Variants in ARHGEF12 observed in about 807,000 individuals in gnomAD.
ARHGEF12 encodes the protein Rho guanine nucleotide exchange factor 12.
In ARHGEF12, 66 loss-of-function variants were observed where a neutral mutation model predicts 211.2. The ratio of observed to expected loss-of-function variants is 0.31; its 90% CI spans 0.26 to 0.38. ARHGEF12 has a LOEUF of 0.38. Ranked by LOEUF, ARHGEF12 falls within the 10% of genes least tolerant of loss-of-function variation. ARHGEF12 has a pLI of 1.00. For missense variants in ARHGEF12, 1,429 were observed against 1,869.5 expected, an observed-to-expected ratio of 0.76 and a Z score of 4.34; for synonymous variants, 592 against 638.4, an observed-to-expected ratio of 0.93 and a Z score of 1.09.
Position 120,459,304 on chromosome 11 carries a change from T to C in ARHGEF12, c.2511T>C (p.Asp837=). 7 of 1,613,266 alleles carry C rather than the reference T, an allele frequency of 4.3e-6. No individual in the cohort carries two copies. Among genetic ancestry groups the C allele is most frequent in the Non-Finnish European group, 5.9e-6 (7 of 1,179,594 alleles). ...ELRKIFSNLE[D]ILQLHIGLNE... ...GGAAAATTTTTTCAAACTTGGAAGA[T>C]ATTCTTCAACTTCATAGTAAGAGAA... The change falls in exon 26 of 41, where the codon GAT becomes GAC. Residue 837 remains aspartate, a synonymous_variant. Transcript: ENST00000397843.
rs769610946 is a variant in ARHGEF12, at chr11:120,481,391, TCTC to T, written c.4373_4375del (p.Pro1458del). On this transcript the variant is annotated inframe_deletion, in exon 39 of 41. Coordinates refer to ENST00000397843, the MANE Select transcript of ARHGEF12 (RefSeq NM_015313.3). ...GGAATCCACCCACCAGCAGCAACAT[TCTC>T]CTCAGAATACTCACTCCGATGGGGC... 29 of 1,614,000 alleles carry T rather than the reference TCTC, an allele frequency of 1.8e-5. No individual in the cohort carries two copies. The highest frequency in any genetic ancestry group is 2.4e-5 in the Non-Finnish European group (28 of 1,180,006).
At chr11:120,423,757 A>G (rs903385337) in intron 6 of ARHGEF12, among the ~76,000 whole-genome samples, 2 of 152,104 alleles carry the variant, frequency 1.3e-5, no homozygotes, top group East Asian at 1.9e-4. Context: ...TGTTTTTTAC[A>G]CTGATATATT....
intron 1 of ARHGEF12, among the ~76,000 whole-genome samples, chr11:120,339,802 A>G (rs535961790): frequency 3.3e-5 from 5 of 152,172 alleles, no homozygotes; most frequent in African/African-American, 1.2e-4. Flanking sequence ...GAATTCAGCT[A>G]TGTTTAGGCT....
At chr11:120,481,760 CTTTTTTTTT>C (rs765155466) in intron 39 of ARHGEF12, among the ~76,000 whole-genome samples, 184 bp downstream of exon 39, 1 of 138,410 alleles carries the variant, frequency 7.2e-6, no homozygotes, top group South Asian at 2.3e-4. Context: ...TTCTTTCTTT[CTTTTTTTTT>C]TTTTTTTTGA....
chr11:120,429,924 G>C, intron 10 of ARHGEF12, 93 bp downstream of exon 10: 1 of 1,426,958 alleles, frequency 7.0e-7, no homozygotes, highest in South Asian at 1.4e-5. Context: ...CTTTTTTAAA[G>C]TTATTTTTCT....
chr11:120,454,000 A>G (rs1946287183), intron 22 of ARHGEF12, among the ~76,000 whole-genome samples: 3 of 152,234 alleles, frequency 2.0e-5, no homozygotes, highest in Admixed American at 2.0e-4. Context: ...AGAAAAAAAC[A>G]GTGCTCTTTT....
At chr11:120,411,271 T>C (rs933407248) in intron 4 of ARHGEF12, 2 of 152,188 alleles carry the variant, frequency 1.3e-5, no homozygotes, top group Non-Finnish European at 2.9e-5. Flanking sequence ...ATGAGTTGAT[T>C]AGAACAGAAT....
chr11:120,457,066 A>G, intron 22 of ARHGEF12, 52 bp from the exon 23 acceptor site: 3 of 1,570,184 alleles, frequency 1.9e-6, no homozygotes, highest in Middle Eastern at 3.4e-4. Flanking sequence ...TTTGGTGACC[A>G]GTGACTTTAT....
intron 29 of ARHGEF12, among the ~76,000 whole-genome samples, chr11:120,467,993 T>C (rs900037178): frequency 6.6e-6 from 1 of 152,224 alleles, no homozygotes; most frequent in South Asian, 2.1e-4. Context: ...TGTAAAATTA[T>C]CTGGTTCAAC....
chr11:120,384,877 GAT>G (rs1943982196), intron 1 of ARHGEF12, among the ~76,000 whole-genome samples: 1 of 140,870 alleles, frequency 7.1e-6, no homozygotes, highest in Non-Finnish European at 1.5e-5. Flanking sequence ...AACAAAAGGA[GAT>G]TTTTTTTTTT....
intron 1 of ARHGEF12, among the ~76,000 whole-genome samples, chr11:120,366,786 G>A (rs942250182): frequency 6.6e-5 from 10 of 152,146 alleles, no homozygotes; most frequent in African/African-American, 2.4e-4. Flanking sequence ...AGGCCGAGGT[G>A]GGCGGATCAT....
At chr11:120,370,634 C>T (rs1255044463) in intron 1 of ARHGEF12, among the ~76,000 whole-genome samples, 3 of 151,874 alleles carry the variant, frequency 2.0e-5, no homozygotes, top group African/African-American at 4.8e-5. Flanking sequence ...CAGATATTCC[C>T]TTATGGTCTT....
chr11:120,364,066 C>T (rs1338858084), intron 1 of ARHGEF12, among the ~76,000 whole-genome samples: 12 of 152,144 alleles, frequency 7.9e-5, no homozygotes, highest in Non-Finnish European at 1.5e-5. Context: ...ATTTCAGCCT[C>T]CCAACTAGCT....
intron 10 of ARHGEF12, among the ~76,000 whole-genome samples, chr11:120,430,473 G>A (rs1945491461): frequency 6.6e-6 from 1 of 151,998 alleles, no homozygotes; most frequent in South Asian, 2.1e-4. Flanking sequence ...AGAATTTGCT[G>A]TATAGTTATA....
At chr11:120,428,388 A>G (rs1045613445) in intron 8 of ARHGEF12, 141 bp downstream of exon 8, 3 of 707,364 alleles carry the variant, frequency 4.2e-6, no homozygotes, top group South Asian at 4.0e-5. Context: ...TAAAAATTAC[A>G]TAATAGGAAT....
At chr11:120,342,983 G>T (rs933911500) in intron 1 of ARHGEF12, among the ~76,000 whole-genome samples, 1 of 151,904 alleles carries the variant, frequency 6.6e-6, no homozygotes, top group Non-Finnish European at 1.5e-5. Flanking sequence ...AACATTCCTC[G>T]ATGTTTGGTT....
intron 1 of ARHGEF12, among the ~76,000 whole-genome samples, chr11:120,344,718 C>T (rs1163532473): frequency 1.3e-5 from 2 of 150,368 alleles, no homozygotes; most frequent in Admixed American, 6.6e-5. Context: ...ATTATTATAT[C>T]ACTACTTCTC....
intron 1 of ARHGEF12, chr11:120,385,354 C>T (rs904998656): frequency 4.1e-6 from 4 of 985,072 alleles, no homozygotes; most frequent in South Asian, 9.4e-5. Context: ...CCAAGGATGT[C>T]GAATGTATAT....
chr11:120,379,157 G>T lies in ARHGEF12; in HGVS notation c.33-26961G>T, dbSNP rs865952676. ...CATTACATAGTTTTCAGCATACAGG[G>T]TTTGCACATGGTTTGTTAAGTTTAT... On this transcript the variant is annotated intron_variant, in intron 1 of 40. Transcript: ENST00000397843. Among the ~76,000 whole-genome samples the T allele has an allele frequency of 2.6e-5, 4 of 152,072 alleles. No individual in the cohort carries two copies. The South Asian group carries it at 8.3e-4, about 32-fold the overall frequency.
Sources: allele counts gnomAD v4.1 joint callset (sites outside exome capture counted in the v4.1 genomes callset), GRCh38; gene constraint gnomAD v4.1.1; transcripts MANE v1.5; gene names NCBI Gene and HGNC (gene_info 2026-07-23, HGNC 2026-07-21).